The following PTDSS2 variants were observed in gnomAD, a reference collection of about 807,000 sequenced individuals.
PTDSS2 encodes the protein PSS-2.
In PTDSS2, 41 loss-of-function variants were observed where a neutral mutation model predicts 64.7. The ratio of observed to expected loss-of-function variants is 0.63; its 90% CI spans 0.49 to 0.82. The LOEUF (loss-of-function observed/expected upper bound fraction) is 0.82. Ranked by LOEUF, PTDSS2 falls within the 40% of genes least tolerant of loss-of-function variation. PTDSS2 has a pLI of 0.00. For synonymous variants in PTDSS2, 297 were observed against 277.8 expected (o/e 1.07, Z -0.69); for missense variants, 485 against 650.0 (o/e 0.75, Z 2.76).
Position 487,018 on chromosome 11 carries a change from G to C in PTDSS2, c.515G>C (p.Gly172Ala), listed in dbSNP as rs1848425588. 7 of 1,613,600 alleles carry C rather than the reference G, an allele frequency of 4.3e-6. No homozygotes were observed. The highest frequency in any genetic ancestry group is 5.9e-6 in the Non-Finnish European group (7 of 1,179,952). The change falls in exon 5 of 12, where the codon GGA (glycine) becomes GCA (alanine). Residue 172 changes from glycine to alanine, a missense_variant. Physicochemically the swap from Gly to Ala is moderately conservative, Grantham distance 60 (BLOSUM62 0). Around this residue, in one of 3 missense-constraint regions of PTDSS2, gnomAD observed 251 missense variants for 348.0 expected, o/e 0.72. Transcript: ENST00000308020. ...CCACTGCCAGAGAGAGACTACGGGG[G>C]AAACTGCCTCATCTACGACCCAGAC... is the stretch of plus-strand genomic sequence containing the variant. ...GVPLPERDYG[G>A]NCLIYDPDNE...
Position 490,791 on chromosome 11 carries a change from T to TGTGTGTACGC in PTDSS2, c.*221_*230dup, listed in dbSNP as rs199941403. ...GTACACGTGTGTACGTGTGTATGCG[T>TGTGTGTACGC]GTGTGTACGCGTGTGTACGCGCGTG... is the stretch of plus-strand genomic sequence containing the variant. On this transcript the variant is annotated 3_prime_UTR_variant, in exon 12 of 12. Coordinates refer to ENST00000308020, the MANE Select transcript of PTDSS2 (RefSeq NM_030783.3). 1.6e-3 allele frequency: 945 copies of TGTGTGTACGC among 574,068 alleles called. 5 individuals are homozygous for TGTGTGTACGC. The highest frequency in any genetic ancestry group is 0.014 in the East Asian group (504 of 35,116). The allele number at this position is 574,068 out of a possible 1,614,324, so 35.6% of individuals were successfully genotyped here.
At chr11:468,183 T>C (rs1847229515) in intron 2 of PTDSS2, among the ~76,000 whole-genome samples, 1 of 152,222 alleles carries the variant, frequency 6.6e-6, no homozygotes, top group Non-Finnish European at 1.5e-5. Flanking sequence ...CTTAAATACA[T>C]GTTTCTATAA....
At chr11:487,289 G>C (rs1848437468) in intron 5 of PTDSS2, 131 bp from the exon 6 acceptor site, 6 of 1,018,916 alleles carry the variant, frequency 5.9e-6, no homozygotes, top group Non-Finnish European at 9.2e-6. Context: ...ACAGGCCACG[G>C]CAGCACCTGT....
In PTDSS2 at chr11:460,955, G is replaced by GGGCT. The variant is rs1443686857; in HGVS notation, c.284+669_284+672dup. ...CGCGCGCACAGGGTGTGTCTGCCCA[G>GGGCT]GGCTGCCTCCTGCCCAGCAAGGCTG... On this transcript the variant is annotated intron_variant, in intron 2 of 11. Coordinates refer to ENST00000308020, the MANE Select transcript of PTDSS2 (RefSeq NM_030783.3). The surrounding 1 kb of genome is among the most constrained non-coding windows in gnomAD (Gnocchi z 5.8). 1 of 152,350 alleles carries GGGCT rather than the reference G, an allele frequency of 6.6e-6. No individual in the cohort carries two copies. Among genetic ancestry groups the GGGCT allele is most frequent in the Non-Finnish European group, 1.5e-5 (1 of 68,132 alleles). 9.4% of individuals were successfully genotyped at this position (152,350 alleles called of 1,614,324 possible).
rs903788237 is a variant in PTDSS2, at chr11:477,776, C to T, written c.368-1309C>T. Among the ~76,000 whole-genome samples the T allele has an allele frequency of 1.1e-4, 17 of 152,206 alleles. No homozygotes were observed. In the South Asian group the frequency reaches 1.7e-3, roughly 15 times the overall value. On this transcript the variant is annotated intron_variant, in intron 3 of 11. Coordinates refer to ENST00000308020, the MANE Select transcript of PTDSS2 (RefSeq NM_030783.3). ...CTTCAGTTGGCGAGCCCTTGTGGGG[C>T]GAGGGCTGCCCCGAGTTAATTTCAC...
chr11:472,239 A>G (rs1223967438), intron 2 of PTDSS2, among the ~76,000 whole-genome samples: 1 of 152,130 alleles, frequency 6.6e-6, no homozygotes, highest in African/African-American at 2.4e-5. Context: ...TTTCCACTGA[A>G]TGTTATGACC....
Position 460,417 on chromosome 11 carries a change from C to T in PTDSS2, c.284+129C>T. 1.4e-6 allele frequency: 1 copy of T among 715,448 alleles called. No individual in the cohort carries two copies. The highest frequency in any genetic ancestry group is 2.2e-5 in the Admixed American group (1 of 45,150). 44.3% of individuals were successfully genotyped at this position (715,448 alleles called of 1,614,324 possible). ...CAGAGGGCTGCGTGGGGCCGCCGGC[C>T]TCTCCCTTGAGTGTGTCTGATGTGC... On this transcript the variant is annotated intron_variant, in intron 2 of 11. Transcript: ENST00000308020. The surrounding 1 kb of genome is among the most constrained non-coding windows in gnomAD (Gnocchi z 5.8).
rs367754800 is a variant in PTDSS2, at chr11:476,920, G to A, written c.368-2165G>A. Among the ~76,000 whole-genome samples, 88 of 152,222 alleles carry A rather than the reference G, an allele frequency of 5.8e-4. No homozygotes were observed. The highest frequency in any genetic ancestry group is 1.9e-3 in the African/African-American group (79 of 41,518). On this transcript the variant is annotated intron_variant, in intron 3 of 11. Transcript: ENST00000308020. This position sits in a 1 kb window ranked among gnomAD's most constrained non-coding sequence, Gnocchi z 4.9. ...GTCCTGGAGCCACCTTCTTCCACGC[G>A]TCTTGTTAACTTGGGGGCCGGCAGG...
Position 490,672 on chromosome 11 carries a change from C to A in PTDSS2, c.*90C>A. The A allele has an allele frequency of 7.3e-7, 1 of 1,364,942 alleles. No individual in the cohort carries two copies. Among genetic ancestry groups the A allele is most frequent in the Non-Finnish European group, 9.8e-7 (1 of 1,019,012 alleles). The allele number at this position is 1,364,942 out of a possible 1,614,324, so 84.6% of individuals were successfully genotyped here. On this transcript the variant is annotated 3_prime_UTR_variant, in exon 12 of 12. Coordinates refer to ENST00000308020, the MANE Select transcript of PTDSS2 (RefSeq NM_030783.3). ...GTCCCACCAGGAGCCACGTGCCCGGCCTTGCCCTCAAGGTTTTTTGCTTTT... is the reference window on the plus strand; with the variant it reads ...GTCCCACCAGGAGCCACGTGCCCGGACTTGCCCTCAAGGTTTTTTGCTTTT...
At position 489,879 on chromosome 11, in the gene PTDSS2, G is replaced by A; in HGVS notation, c.1116-4G>A. ...GGACGCTGAACCCCCTGCTGCCCCT[G>A]CAGGAAGCCCCACAAGAAGCTGGGC... On this transcript the variant is annotated splice_region_variant and splice_polypyrimidine_tract_variant and intron_variant, in intron 10 of 11. Transcript: ENST00000308020. 1 of 1,579,188 alleles carries A rather than the reference G, an allele frequency of 6.3e-7. No individual in the cohort carries two copies. Among genetic ancestry groups the A allele is most frequent in the Non-Finnish European group, 8.6e-7 (1 of 1,165,292 alleles).
intron 1 of PTDSS2, among the ~76,000 whole-genome samples, chr11:453,292 C>T (rs529235171): frequency 7.2e-5 from 11 of 152,296 alleles, no homozygotes; most frequent in Admixed American, 2.6e-4. Context: ...GATGTGGCAG[C>T]TCATGCGGTC....
intron 4 of PTDSS2, among the ~76,000 whole-genome samples, chr11:482,772 G>A (rs1385723464): frequency 1.3e-5 from 2 of 151,610 alleles, no homozygotes; most frequent in Non-Finnish European, 2.9e-5. Flanking sequence ...AGAAAGTTCT[G>A]TGAGTTTTTC....
chr11:464,869 A>G (rs1847073046), intron 2 of PTDSS2, among the ~76,000 whole-genome samples: 1 of 152,256 alleles, frequency 6.6e-6, no homozygotes, highest in Non-Finnish European at 1.5e-5. Context: ...TACTTGTAAT[A>G]CATATAAAAC....
rs138498859 is a variant in PTDSS2, at chr11:467,135, G to A, written c.285-6760G>A. 7.5e-3 allele frequency among the ~76,000 whole-genome samples: 1,149 copies of A among 152,272 alleles called. 12 individuals carry two copies. Among genetic ancestry groups the A allele is most frequent in the African/African-American group, 0.026 (1,065 of 41,544 alleles). ...GAACCCAGGAGGCAGAGGTTGCAGTGAGCCGAGATGGGGCCACTGCACTCC... is the reference window on the plus strand; with the variant it reads ...GAACCCAGGAGGCAGAGGTTGCAGTAAGCCGAGATGGGGCCACTGCACTCC... On this transcript the variant is annotated intron_variant, in intron 2 of 11. Transcript: ENST00000308020.
intron 1 of PTDSS2, 45 bp downstream of exon 1, chr11:450,682 C>A: frequency 8.1e-7 from 1 of 1,237,848 alleles, no homozygotes; most frequent in Non-Finnish European, 1.0e-6. Flanking sequence ...TGCCCTCGAC[C>A]TGGGGGTTCC....
chr11:480,016 G>A (rs56060013), intron 4 of PTDSS2: 6,959 of 152,494 alleles, frequency 0.046, 188 homozygotes, highest in Middle Eastern at 0.092. Flanking sequence ...ACACAATTAG[G>A]ACGCACAAGA....
At chr11:469,995 A>ATAAG (rs1362478538) in intron 2 of PTDSS2, among the ~76,000 whole-genome samples, 1 of 152,226 alleles carries the variant, frequency 6.6e-6, no homozygotes, top group African/African-American at 2.4e-5. Flanking sequence ...CCATAGTGAT[A>ATAAG]TAAGTGATTG....
intron 2 of PTDSS2, among the ~76,000 whole-genome samples, chr11:464,507 G>A (rs558135690): frequency 7.9e-5 from 12 of 152,196 alleles, no homozygotes; most frequent in African/African-American, 1.7e-4. Flanking sequence ...ACCCCGGCTC[G>A]GGCAGTGCCA....
At chr11:454,697 T>C (rs6598018) in intron 1 of PTDSS2, among the ~76,000 whole-genome samples, 55,090 of 151,968 alleles carry the variant, frequency 0.36, 10,551 homozygotes, top group African/African-American at 0.49. Flanking sequence ...CCCAGCTGCT[T>C]GGGAGGCTGA....
Sources: allele counts gnomAD v4.1 joint callset (sites outside exome capture counted in the v4.1 genomes callset), GRCh38; gene constraint gnomAD v4.1.1; regional missense constraint gnomAD v4.1.1; non-coding constraint Gnocchi (gnomAD v3.1); transcripts MANE v1.5; gene names NCBI Gene and HGNC (gene_info 2026-07-23, HGNC 2026-07-21).